CPE: variants seen among roughly 807,000 people sequenced by gnomAD.
The protein encoded by CPE is carbocypeptidase E.
In CPE, 17 loss-of-function variants were observed where a neutral mutation model predicts 53.5. That is an observed-to-expected ratio of 0.32 (90% CI 0.22 to 0.48). CPE has a LOEUF of 0.48. CPE is among the 20% of genes least tolerant of loss of function. The pLI is 0.99. For synonymous variants in CPE, 226 were observed against 228.8 expected (o/e 0.99, Z 0.11); for missense variants, 524 against 614.7 (o/e 0.85, Z 1.56).
At chr4:165,463,660 G>A (rs766406564) in intron 1 of CPE, among the ~76,000 whole-genome samples, 1 of 152,240 alleles carries the variant, frequency 6.6e-6, no homozygotes, top group Non-Finnish European at 1.5e-5. Context: ...TATGGAGACA[G>A]TCTTCTTAAG....
intron 1 of CPE, among the ~76,000 whole-genome samples, chr4:165,437,864 T>A (rs374583294): frequency 1.3e-5 from 2 of 152,178 alleles, no homozygotes; most frequent in East Asian, 3.9e-4. Context: ...AGGAACAGAA[T>A]GAACGCACAT....
chr4:165,482,267 T>C lies in CPE; in HGVS notation c.698T>C (p.Ile233Thr), dbSNP rs1250899572. ...CTTGCTCCTGAGACCAAGGCTGTCA[T>C]TCATTGGATTATGGATATTCCTTTT... is the stretch of plus-strand genomic sequence containing the variant. ...TKLAPETKAV[I>T]HWIMDIPFVL... The change falls in exon 4 of 9, where the codon ATT becomes ACT. Residue 233 changes from isoleucine (I) to threonine (T), a missense_variant. Coordinates refer to ENST00000402744, the MANE Select transcript of CPE (RefSeq NM_001873.4). 1.2e-6 allele frequency: 2 copies of C among 1,613,642 alleles called. No individual in the cohort carries two copies. The highest frequency in any genetic ancestry group is 2.7e-5 in the African/African-American group (2 of 74,910).
chr4:165,465,295 T>C (rs1487137596), intron 2 of CPE, among the ~76,000 whole-genome samples: 1 of 152,116 alleles, frequency 6.6e-6, no homozygotes, highest in African/African-American at 2.4e-5. Context: ...TTAGCATGTT[T>C]ATCTACAGCT....
chr4:165,382,438 A>G (rs1286842000), intron 1 of CPE, among the ~76,000 whole-genome samples: 1 of 152,186 alleles, frequency 6.6e-6, no homozygotes, highest in Non-Finnish European at 1.5e-5. Flanking sequence ...AGGAAATAAT[A>G]TTGAACTTAA....
At chr4:165,423,717 T>A (rs1270405276) in intron 1 of CPE, among the ~76,000 whole-genome samples, 1 of 151,912 alleles carries the variant, frequency 6.6e-6, no homozygotes, top group African/African-American at 2.4e-5. Flanking sequence ...TATGTATACA[T>A]GTGCCATGCT....
intron 3 of CPE, among the ~76,000 whole-genome samples, chr4:165,470,074 C>T (rs954584802): frequency 1.3e-5 from 2 of 152,146 alleles, no homozygotes; most frequent in African/African-American, 4.8e-5. Flanking sequence ...TTCTTGCCTC[C>T]TCAGAAGAAT....
intron 1 of CPE, chr4:165,406,316 G>T: frequency 5.3e-6 from 3 of 564,828 alleles, no homozygotes; most frequent in Non-Finnish European, 6.9e-6. Context: ...CAGAGAAGTG[G>T]CTGAGGCTGC....
At chr4:165,463,752 A>G in intron 1 of CPE, among the ~76,000 whole-genome samples, 1 of 152,244 alleles carries the variant, frequency 6.6e-6, no homozygotes, top group East Asian at 1.9e-4. Flanking sequence ...AGGATTAAAT[A>G]AGAAAACATG....
chr4:165,387,519 A>G (rs1034123211), intron 1 of CPE, among the ~76,000 whole-genome samples: 5 of 151,892 alleles, frequency 3.3e-5, no homozygotes, highest in African/African-American at 7.3e-5. Context: ...TTGCTAAAAA[A>G]CCTCTTCCTG....
chr4:165,388,113 A>G (rs565050896), intron 1 of CPE, among the ~76,000 whole-genome samples: 3 of 152,328 alleles, frequency 2.0e-5, no homozygotes, highest in Admixed American at 6.5e-5. Flanking sequence ...TTCCTTCACT[A>G]TGCAGCTGCT....
intron 3 of CPE, among the ~76,000 whole-genome samples, chr4:165,469,747 T>C (rs2126703995): frequency 6.6e-6 from 1 of 152,346 alleles, no homozygotes; most frequent in African/African-American, 2.4e-5. Context: ...AGAATTACGA[T>C]TAATATTTGA....
At chr4:165,388,800 G>T (rs961712785) in intron 1 of CPE, among the ~76,000 whole-genome samples, 3 of 151,986 alleles carry the variant, frequency 2.0e-5, no homozygotes, top group African/African-American at 7.3e-5. Context: ...CTGGACATCT[G>T]ATTTTAAAGT....
chr4:165,395,761 C>G (rs1730753381), intron 1 of CPE, among the ~76,000 whole-genome samples: 2 of 152,152 alleles, frequency 1.3e-5, no homozygotes, highest in Non-Finnish European at 2.9e-5. Flanking sequence ...TTTCTCAACC[C>G]TCAGAGAATG....
At chr4:165,401,066 T>G (rs995206289) in intron 1 of CPE, among the ~76,000 whole-genome samples, 2 of 152,176 alleles carry the variant, frequency 1.3e-5, no homozygotes, top group African/African-American at 4.8e-5. Flanking sequence ...TTTTTTTCTT[T>G]ACACAGCTGA....
At chr4:165,460,975 C>A (rs1163648298) in intron 1 of CPE, among the ~76,000 whole-genome samples, 2 of 150,128 alleles carry the variant, frequency 1.3e-5, no homozygotes, top group African/African-American at 4.9e-5. Context: ...AAATAACAAA[C>A]CCAGCCTGGG....
intron 3 of CPE, among the ~76,000 whole-genome samples, chr4:165,474,301 T>C (rs1406786781): frequency 3.3e-5 from 5 of 152,242 alleles, no homozygotes; most frequent in Admixed American, 2.0e-4. Context: ...TTCTCCCAGT[T>C]CATTTTTAGG....
At chr4:165,435,562 A>G (rs945058734) in intron 1 of CPE, among the ~76,000 whole-genome samples, 4 of 152,220 alleles carry the variant, frequency 2.6e-5, no homozygotes, top group African/African-American at 9.6e-5. Context: ...ATAAGTTAGT[A>G]TAATTCTTAG....
intron 1 of CPE, among the ~76,000 whole-genome samples, chr4:165,390,517 A>G (rs562276440): frequency 1.3e-5 from 2 of 152,296 alleles, no homozygotes; most frequent in South Asian, 2.1e-4. Context: ...AAATGCTTCT[A>G]TGTGTTAATG....
chr4:165,422,833 C>T (rs28444155), intron 1 of CPE, among the ~76,000 whole-genome samples: 2,244 of 151,864 alleles, frequency 0.015, 26 homozygotes, highest in Middle Eastern at 0.034. Context: ...AAAAATTAGC[C>T]GGGTGTGGTG....
Sources: gnomAD v4.1 joint callset for allele counts (sites outside exome capture counted in the v4.1 genomes callset) on GRCh38, gnomAD v4.1.1 for gene constraint, MANE v1.5 for transcripts, NCBI Gene and HGNC (gene_info 2026-07-23, HGNC 2026-07-21) for gene names.